Variants in ADAMTSL1 observed in about 807,000 individuals in gnomAD.
The protein encoded by ADAMTSL1 is ADAMTS-like protein 1.
A neutral mutation model predicts 201.8 loss-of-function variants in ADAMTSL1; 126 were observed. The observed-to-expected ratio is 0.62, with a 90% CI of 0.54 to 0.72. ADAMTSL1 has a LOEUF of 0.72. ADAMTSL1 is among the 30% of genes least tolerant of loss of function. The pLI is 0.00. For synonymous variants in ADAMTSL1, 1,121 were observed against 903.4 expected, an observed-to-expected ratio of 1.24 and a Z score of -4.32; for missense variants, 2,679 against 2,277.8, an observed-to-expected ratio of 1.18 and a Z score of -3.59.
chr9:18,457,648 A>G (rs1820657431), intron 2 of ADAMTSL1, among the ~76,000 whole-genome samples: 1 of 152,152 alleles, frequency 6.6e-6, no homozygotes, highest in Non-Finnish European at 1.5e-5. Flanking sequence ...GAATTTCTAT[A>G]TGAGGTGTTT....
intron 1 of ADAMTSL1, among the ~76,000 whole-genome samples, chr9:18,099,350 TATATA>T (rs1173717571): frequency 8.0e-4 from 39 of 48,894 alleles, no homozygotes; most frequent in African/African-American, 2.1e-3. Context: ...TATATATATA[TATATA>T]TTTTTTTTTT....
chr9:18,441,018 A>G (rs141479901), intron 2 of ADAMTSL1, among the ~76,000 whole-genome samples: 106 of 152,304 alleles, frequency 7.0e-4, no homozygotes, highest in Non-Finnish European at 1.3e-3. Flanking sequence ...TTATGTCACA[A>G]CATAGATGAA....
intron 2 of ADAMTSL1, among the ~76,000 whole-genome samples, chr9:18,394,114 A>C (rs906610957): frequency 6.6e-6 from 1 of 152,240 alleles, no homozygotes; most frequent in Non-Finnish European, 1.5e-5. Context: ...CAGCGAAAGC[A>C]GAGCCATAAA....
At chr9:18,185,394 C>G (rs544104437) in intron 2 of ADAMTSL1, among the ~76,000 whole-genome samples, 1 of 152,122 alleles carries the variant, frequency 6.6e-6, no homozygotes, top group Non-Finnish European at 1.5e-5. Context: ...GATGAGTCAT[C>G]AGAGGAGAAC....
chr9:18,746,669 G>A (rs537865898), intron 15 of ADAMTSL1, among the ~76,000 whole-genome samples: 61 of 150,864 alleles, frequency 4.0e-4, no homozygotes, highest in Non-Finnish European at 6.9e-4. Context: ...ATTTATACCA[G>A]CAATAAACAA....
At chr9:18,512,802 A>G (rs971163167) in intron 2 of ADAMTSL1, among the ~76,000 whole-genome samples, 1 of 152,134 alleles carries the variant, frequency 6.6e-6, no homozygotes, top group African/African-American at 2.4e-5. Flanking sequence ...TCCTAATTCA[A>G]TTGTATGAAT....
chr9:18,828,262 C>G (rs1824719921), intron 22 of ADAMTSL1, among the ~76,000 whole-genome samples: 1 of 152,064 alleles, frequency 6.6e-6, no homozygotes, highest in African/African-American at 2.4e-5. Context: ...TGGACATGCA[C>G]TGAAAAGGAA....
intron 2 of ADAMTSL1, among the ~76,000 whole-genome samples, chr9:18,376,337 G>C (rs1837295044): frequency 6.6e-6 from 1 of 152,156 alleles, no homozygotes; most frequent in South Asian, 2.1e-4. Flanking sequence ...GAAATGTCAA[G>C]GGCTGTCACA....
chr9:18,014,745 G>T (rs1007569284), intron 1 of ADAMTSL1, among the ~76,000 whole-genome samples: 1 of 152,048 alleles, frequency 6.6e-6, no homozygotes, highest in African/African-American at 2.4e-5. Flanking sequence ...GGCAGTGGAG[G>T]CTGATGACAG....
chr9:18,824,151 C>T (rs562241936), intron 21 of ADAMTSL1, among the ~76,000 whole-genome samples: 3 of 151,498 alleles, frequency 2.0e-5, no homozygotes, highest in Admixed American at 2.0e-4. Flanking sequence ...CTTCAATTTA[C>T]TTCTGAGGCT....
intron 14 of ADAMTSL1, among the ~76,000 whole-genome samples, chr9:18,715,988 A>G (rs1314589544): frequency 2.0e-5 from 3 of 151,336 alleles, no homozygotes; most frequent in Admixed American, 6.6e-5. Context: ...CAATGGGGAA[A>G]GGATTCCCTA....
At chr9:18,682,954 CGT>C (rs1564147323) in intron 12 of ADAMTSL1, among the ~76,000 whole-genome samples, 2 of 151,932 alleles carry the variant, frequency 1.3e-5, no homozygotes, top group East Asian at 3.9e-4. Context: ...AGAGATCATG[CGT>C]AGGTTAAATG....
At chr9:18,788,698 A>T (rs1015177743) in intron 19 of ADAMTSL1, among the ~76,000 whole-genome samples, 3 of 152,174 alleles carry the variant, frequency 2.0e-5, no homozygotes, top group Non-Finnish European at 2.9e-5. Context: ...CTAAGCAGAA[A>T]AATACCCATT....
intron 23 of ADAMTSL1, among the ~76,000 whole-genome samples, chr9:18,844,094 G>A (rs1488389888): frequency 6.6e-6 from 1 of 152,174 alleles, no homozygotes; most frequent in Admixed American, 6.5e-5. Context: ...GTGTTCCTTT[G>A]GATGAGGAGA....
At chr9:18,470,399 C>T (rs1821160156), upstream of ADAMTSL1, among the ~76,000 whole-genome samples, 1 of 152,200 alleles carries the variant, frequency 6.6e-6, no homozygotes, top group Non-Finnish European at 1.5e-5. Context: ...GCTTCCTATA[C>T]TTTTATCTTA....
At chr9:18,827,911 AGTTT>A (rs1824684622) in intron 22 of ADAMTSL1, among the ~76,000 whole-genome samples, 1 of 152,206 alleles carries the variant, frequency 6.6e-6, no homozygotes, top group Admixed American at 6.5e-5. Flanking sequence ...TATTAAGGAA[AGTTT>A]GTTAGCTTTT....
intron 2 of ADAMTSL1, among the ~76,000 whole-genome samples, chr9:18,340,649 TG>T (rs1835431576): frequency 6.6e-6 from 1 of 152,118 alleles, no homozygotes; most frequent in East Asian, 1.9e-4. Context: ...ATCATGGGGA[TG>T]GGTTTTTCCC....
intron 19 of ADAMTSL1, among the ~76,000 whole-genome samples, chr9:18,791,479 A>G (rs930555392): frequency 4.6e-5 from 7 of 152,182 alleles, no homozygotes; most frequent in Non-Finnish European, 8.8e-5. Flanking sequence ...AAGCACGACT[A>G]AACAGTTGAG....
At chr9:17,952,325 A>C (rs540030650) in intron 1 of ADAMTSL1, among the ~76,000 whole-genome samples, 1 of 152,082 alleles carries the variant, frequency 6.6e-6, no homozygotes, top group African/African-American at 2.4e-5. Flanking sequence ...TAATATTCTT[A>C]TGAAGTATTT....
Sources: gnomAD v4.1 joint callset for allele counts (sites outside exome capture counted in the v4.1 genomes callset) on GRCh38, gnomAD v4.1.1 for gene constraint, MANE v1.5 for transcripts, NCBI Gene and HGNC (gene_info 2026-07-23, HGNC 2026-07-21) for gene names.